The following RMDN2 variants were observed in gnomAD, a reference collection of about 807,000 sequenced individuals.
RMDN2 encodes regulator of microtubule dynamics protein 2.
RMDN2 carries 61 observed loss-of-function variants against 52.8 expected under a neutral mutation model. The observed-to-expected ratio is 1.16, with a 90% CI of 0.94 to 1.43. The LOEUF is 1.43. Among genes scored for constraint, RMDN2 ranks in the 40% most tolerant of loss-of-function variants. The pLI is 0.00. For missense variants in RMDN2, 592 were observed against 475.3 expected, an observed-to-expected ratio of 1.25 and a Z score of -2.28; for synonymous variants, 180 against 153.1, an observed-to-expected ratio of 1.18 and a Z score of -1.30.
intron 2 of RMDN2, among the ~76,000 whole-genome samples, chr2:37,963,937 G>A (rs545732017): frequency 4.0e-5 from 6 of 151,014 alleles, no homozygotes; most frequent in Admixed American, 3.3e-4. Flanking sequence ...CGGCGGCCAG[G>A]CGGAGGTGCC....
chr2:37,959,583 T>C (rs1669930236), intron 2 of RMDN2, among the ~76,000 whole-genome samples: 1 of 150,876 alleles, frequency 6.6e-6, no homozygotes, highest in Non-Finnish European at 1.5e-5. Flanking sequence ...ATTTTGTTGA[T>C]CTTTTCAAAA....
intron 4 of RMDN2, among the ~76,000 whole-genome samples, chr2:37,980,392 C>T (rs1230153218): frequency 6.6e-6 from 1 of 152,140 alleles, no homozygotes; most frequent in African/African-American, 2.4e-5. Context: ...CAACCTCTGC[C>T]TCCTGGGATC....
At chr2:37,951,844 A>G (rs1014624575) in intron 2 of RMDN2, 1 of 1,613,688 alleles carries the variant, frequency 6.2e-7, no homozygotes, top group Non-Finnish European at 8.5e-7. Flanking sequence ...TCCTATCAAC[A>G]AAGCACATCA....
chr2:37,927,873 A>G (rs1001426066), intron 1 of RMDN2, among the ~76,000 whole-genome samples: 5 of 152,226 alleles, frequency 3.3e-5, no homozygotes, highest in Non-Finnish European at 7.3e-5. Context: ...TGAAGTTACA[A>G]ATTGATTGGA....
chr2:37,933,791 GGGGAGA>G (rs1012626091), intron 2 of RMDN2, among the ~76,000 whole-genome samples: 13 of 108,126 alleles, frequency 1.2e-4, no homozygotes, highest in East Asian at 7.1e-4. Context: ...ACCGTGGAAA[GGGGAGA>G]GGGAGAGGGA....
In RMDN2 at chr2:38,016,988, G is replaced by T. The variant is rs115573250; in HGVS notation, c.1180-198G>T. Among the ~76,000 whole-genome samples the T allele has an allele frequency of 4.1e-3, 628 of 152,026 alleles. 3 individuals are homozygous for T. Among genetic ancestry groups the T allele is most frequent in the African/African-American group, 0.015 (608 of 41,444 alleles). The stretch of plus-strand genomic sequence containing the variant: ...AGCAACTTGTTACAATGAAAAAAAA[G>T]AAAATTATTAAAAAAAATAATAAAA... On this transcript the variant is annotated intron_variant, in intron 10 of 10. Transcript: ENST00000354545.
At chr2:38,011,425 C>T (rs1478194591) in intron 10 of RMDN2, among the ~76,000 whole-genome samples, 1 of 152,176 alleles carries the variant, frequency 6.6e-6, no homozygotes, top group African/African-American at 2.4e-5. Flanking sequence ...CTCCTTTTCT[C>T]ATACCACCAA....
intron 10 of RMDN2, among the ~76,000 whole-genome samples, chr2:38,011,977 C>T (rs1244712802): frequency 6.6e-6 from 1 of 152,142 alleles, no homozygotes; most frequent in African/African-American, 2.4e-5. Flanking sequence ...TAAATGTAAA[C>T]GTCAACATGT....
chr2:37,994,604 C>G (rs1675259213), intron 7 of RMDN2, among the ~76,000 whole-genome samples: 1 of 152,072 alleles, frequency 6.6e-6, no homozygotes, highest in Non-Finnish European at 1.5e-5. Flanking sequence ...TACTGATCAT[C>G]AGTAGTCATT....
In RMDN2 at chr2:37,987,097, G is replaced by A. The variant is rs546180287; in HGVS notation, c.792-2444G>A. On this transcript the variant is annotated intron_variant, in intron 5 of 10. Coordinates refer to ENST00000354545, the MANE Select transcript of RMDN2 (RefSeq NM_001170791.3). ...AAAAATCTAAAAAAAAAATCTCTTG[G>A]GATTAAGCAATTATAGCAAGGTTGC... Among the ~76,000 whole-genome samples, 977 of 152,020 alleles carry A rather than the reference G, an allele frequency of 6.4e-3. 5 individuals carry two copies. The highest frequency in any genetic ancestry group is 0.011 in the Non-Finnish European group (772 of 67,958).
exon 11 of RMDN2, chr2:38,067,077 C>T: frequency 7.8e-7 from 1 of 1,287,048 alleles, no homozygotes; most frequent in Non-Finnish European, 1.1e-6. Context: ...TGACCTAGGC[C>T]CTGTGAAGTC....
intron 2 of RMDN2, among the ~76,000 whole-genome samples, chr2:37,933,616 A>G (rs1667038574): frequency 6.6e-6 from 1 of 152,278 alleles, no homozygotes; most frequent in Non-Finnish European, 1.5e-5. Flanking sequence ...CCAAAAAAAT[A>G]CGAAAACCAG....
chr2:37,951,086 T>G, intron 2 of RMDN2: 1 of 774,346 alleles, frequency 1.3e-6, no homozygotes. Flanking sequence ...TCCCCTATTC[T>G]TCTTATTCCC....
At chr2:37,949,978 T>A (rs1043438645) in intron 2 of RMDN2, 1 of 169,828 alleles carries the variant, frequency 5.9e-6, no homozygotes. Flanking sequence ...AGCAGTCAGA[T>A]GGCATACTTT....
At chr2:38,038,276 G>T (rs562666915) in intron 10 of RMDN2, among the ~76,000 whole-genome samples, 1 of 152,136 alleles carries the variant, frequency 6.6e-6, no homozygotes, top group Non-Finnish European at 1.5e-5. Context: ...AGGGGGACGC[G>T]TTCAAGCGAG....
chr2:38,007,491 G>A (rs896005163), intron 10 of RMDN2, among the ~76,000 whole-genome samples: 19 of 151,812 alleles, frequency 1.3e-4, no homozygotes, highest in African/African-American at 2.4e-4. Context: ...GTTTATTTGC[G>A]TAGAGGTGTT....
chr2:37,936,276 A>G (rs183237000), intron 2 of RMDN2, among the ~76,000 whole-genome samples: 6 of 152,250 alleles, frequency 3.9e-5, no homozygotes, highest in East Asian at 3.9e-4. Flanking sequence ...TATGTGACAC[A>G]TTTTCTTTAT....
Position 38,044,848 on chromosome 2 carries a change from G to A in RMDN2, c.1714-22134G>A, listed in dbSNP as rs183394575. ...TTATATAAATATTATGAAATTCCTT[G>A]GTAATGCTAGTATAATGTAGGAGTA... On this transcript the variant is annotated intron_variant, in intron 10 of 10. Coordinates refer to the RMDN2 transcript ENST00000234195. 1.3e-3 allele frequency among the ~76,000 whole-genome samples: 204 copies of A among 152,008 alleles called. 1 individual carries two copies. The highest frequency in any genetic ancestry group is 2.3e-3 in the Admixed American group (35 of 15,272).
At chr2:37,972,447 A>C (rs1671929096) in intron 2 of RMDN2, among the ~76,000 whole-genome samples, 1 of 152,190 alleles carries the variant, frequency 6.6e-6, no homozygotes, top group Non-Finnish European at 1.5e-5. Flanking sequence ...GAGTTTCTGG[A>C]ATGCTGTGAG....
Sources: allele counts gnomAD v4.1 joint callset (sites outside exome capture counted in the v4.1 genomes callset), GRCh38; gene constraint gnomAD v4.1.1; transcripts MANE v1.5; gene names NCBI Gene and HGNC (gene_info 2026-07-23, HGNC 2026-07-21).